Variants in FAM241B observed in about 807,000 individuals in gnomAD.
FAM241B encodes the protein family with sequence similarity 241 member B.
In FAM241B, 7 loss-of-function variants were observed where a neutral mutation model predicts 9.3. The observed-to-expected ratio is 0.75, with a 90% CI of 0.43 to 1.41. The LOEUF (loss-of-function observed/expected upper bound fraction) is 1.41, where lower values mean the gene tolerates loss of function less well. Among genes scored for constraint, FAM241B ranks in the 40% most tolerant of loss-of-function variants. The probability of loss-of-function intolerance (pLI) is 0.01; values close to 1 mark genes in which losing one functional copy is unlikely to be tolerated. For synonymous variants in FAM241B, 60 were observed against 64.1 expected (o/e 0.94, Z 0.31); for missense variants, 136 against 159.6 (o/e 0.85, Z 0.80).
At position 69,631,535 on chromosome 10, in the gene FAM241B, C is replaced by T. The variant is rs899076340; in HGVS notation, c.-48C>T. The T allele has an allele frequency of 7.8e-6, 12 of 1,543,404 alleles. No homozygotes were observed. The African/African-American group carries it at 1.5e-4, about 19-fold the overall frequency. On this transcript the variant is annotated 5_prime_UTR_variant, in exon 2 of 4. Coordinates refer to ENST00000373279, the MANE Select transcript of FAM241B (RefSeq NM_145306.3). Reference sequence around the variant, plus strand: ...TGTGAACATCACTGACTGCAAGCCTCCCTCAATTTCTGGTAAATTTTTTCC... The same window carrying T: ...TGTGAACATCACTGACTGCAAGCCTTCCTCAATTTCTGGTAAATTTTTTCC...
chr10:69,630,728 A>C, intron 1 of FAM241B: 2 of 1,237,292 alleles, frequency 1.6e-6, no homozygotes, highest in South Asian at 1.4e-5. Flanking sequence ...GGAGGCGTGG[A>C]GGGGCCCCGC....
chr10:69,630,752 GC>G (rs1267572409), intron 1 of FAM241B: 1 of 1,047,902 alleles, frequency 9.5e-7, no homozygotes, highest in East Asian at 7.6e-5. Context: ...CCAGGGGTCC[GC>G]GGAGTGGAGC....
At chr10:69,632,768 T>C (rs1221586435) in intron 3 of FAM241B, 22 bp from the exon 4 acceptor site, 1 of 1,606,400 alleles carries the variant, frequency 6.2e-7, no homozygotes, top group Non-Finnish European at 8.5e-7. Context: ...TTCATTCATC[T>C]CTCTCTGTCT....
In FAM241B at chr10:69,632,773, C is replaced by T. The variant is rs1839851884; in HGVS notation, c.97-17C>T. ...AACCCAATGATTCATTCATCTCTCT[C>T]TGTCTTCACATTCCAGAGCTTCTTC... On this transcript the variant is annotated splice_polypyrimidine_tract_variant and intron_variant, in intron 3 of 3. Coordinates refer to ENST00000373279, the MANE Select transcript of FAM241B (RefSeq NM_145306.3). 2.5e-6 allele frequency: 4 copies of T among 1,609,430 alleles called. No homozygotes were observed. The highest frequency in any genetic ancestry group is 3.4e-6 in the Non-Finnish European group (4 of 1,178,140).
chr10:69,632,672 A>G, intron 3 of FAM241B, 118 bp from the exon 4 acceptor site: 1 of 1,171,660 alleles, frequency 8.5e-7, no homozygotes, highest in South Asian at 1.5e-5. Context: ...ATTGCTGAGA[A>G]AGGAGGGTGT....
intron 3 of FAM241B, 70 bp from the exon 4 acceptor site, chr10:69,632,720 A>T: frequency 6.5e-7 from 1 of 1,538,608 alleles, no homozygotes; most frequent in Non-Finnish European, 8.8e-7. Context: ...GATGCAGCCT[A>T]GAGAGGTTGA....
At chr10:69,631,629 C>CAGCTAA in intron 2 of FAM241B, 80 bp from the exon 3 acceptor site, 1 of 1,551,944 alleles carries the variant, frequency 6.4e-7, no homozygotes, top group East Asian at 2.4e-5. Context: ...AGATCACTAA[C>CAGCTAA]AGCTAAAGGT....
intron 3 of FAM241B, 134 bp downstream of exon 3, chr10:69,631,973 T>A (rs1839833092): frequency 3.0e-6 from 1 of 332,802 alleles, no homozygotes; most frequent in African/African-American, 3.4e-5. Flanking sequence ...CTGGGGAAGA[T>A]GCAGTGGCTT....
intron 1 of FAM241B, chr10:69,630,716 G>A: frequency 1.6e-6 from 2 of 1,263,918 alleles, no homozygotes; most frequent in Non-Finnish European, 2.1e-6. Context: ...CCAGACTCAA[G>A]GGGAGGCGTG....
At chr10:69,630,562 C>T (rs982299008) in intron 1 of FAM241B, 1 of 1,137,536 alleles carries the variant, frequency 8.8e-7, no homozygotes, top group South Asian at 1.5e-5. Flanking sequence ...CAGCGGGCTT[C>T]AGGAGGGGGA....
At chr10:69,631,922 G>A in intron 3 of FAM241B, 83 bp downstream of exon 3, 2 of 1,531,144 alleles carry the variant, frequency 1.3e-6, no homozygotes, top group South Asian at 2.4e-5. Context: ...TCTCTTGCTG[G>A]TCACTAACCT....
Position 69,630,405 on chromosome 10 carries a change from C to T in FAM241B, c.-104+92C>T, listed in dbSNP as rs574621041. ...GTCGGGCTCCAGAGGCTGGGGCTGG[C>T]GGCCGGGGCAGCGTCCCTCCCGCCC... On this transcript the variant is annotated intron_variant, in intron 1 of 3. Coordinates refer to ENST00000373279, the MANE Select transcript of FAM241B (RefSeq NM_145306.3). 11 of 155,880 alleles carry T rather than the reference C, an allele frequency of 7.1e-5. No homozygotes were observed. In the South Asian group the frequency reaches 2.1e-3, roughly 30 times the overall value. 9.7% of individuals were successfully genotyped at this position (155,880 alleles called of 1,614,324 possible).
At chr10:69,632,447 G>C (rs1839842538) in intron 3 of FAM241B, among the ~76,000 whole-genome samples, 1 of 124,768 alleles carries the variant, frequency 8.0e-6, no homozygotes, top group Non-Finnish European at 1.6e-5. Context: ...GACAGAGCGA[G>C]ACTCCGTCTC....
rs1426540092 is a variant in FAM241B at position 69,632,827 on chromosome 10, G to A, written c.134G>A (p.Gly45Asp). The change falls in exon 4 of 4, where the codon GGT (glycine) becomes GAT (aspartate). Residue 45 changes from glycine (G) to aspartate (D), a missense_variant. Physicochemically the swap from Gly to Asp is moderately conservative, Grantham distance 94. Coordinates refer to ENST00000373279, the MANE Select transcript of FAM241B (RefSeq NM_145306.3). Reference sequence around the variant, plus strand: ...AGGGGCCATGGTGCTCCCCCAGGGGGTCCTGGCCCCCGCCAGCAGCAGGCA... The same window carrying A: ...AGGGGCCATGGTGCTCCCCCAGGGGATCCTGGCCCCCGCCAGCAGCAGGCA... Reference protein sequence around the residue: ...FNRGHGAPPGGPGPRQQQAGA... With the variant: ...FNRGHGAPPGDPGPRQQQAGA... 18 of 1,613,870 alleles carry A rather than the reference G, an allele frequency of 1.1e-5. No homozygotes were observed. The highest frequency in any genetic ancestry group is 1.3e-5 in the African/African-American group (1 of 74,944).
In FAM241B at chr10:69,633,181, G is replaced by C; in HGVS notation, c.*122G>C. The C allele has an allele frequency of 2.9e-6, 4 of 1,367,474 alleles. No homozygotes were observed. Among genetic ancestry groups the C allele is most frequent in the Middle Eastern group, 2.2e-4 (1 of 4,498 alleles). 84.7% of individuals were successfully genotyped at this position (1,367,474 alleles called of 1,614,324 possible). A position where few individuals can be genotyped will look rare whatever the true frequency, so the allele number is the denominator to read the frequency against. Reference sequence around the variant, plus strand: ...AGGTATGATCAGAGAGGGGACCACAGGTGTGTGTTTCCCCTTTGTGTTAAG... The same window carrying C: ...AGGTATGATCAGAGAGGGGACCACACGTGTGTGTTTCCCCTTTGTGTTAAG... On this transcript the variant is annotated 3_prime_UTR_variant, in exon 4 of 4. Coordinates refer to ENST00000373279, the MANE Select transcript of FAM241B (RefSeq NM_145306.3).
In FAM241B at chr10:69,631,734, G is replaced by T. The variant is rs767345158; in HGVS notation, c.-10G>T. On this transcript the variant is annotated 5_prime_UTR_variant, in exon 3 of 4. Transcript: ENST00000373279. ...GTGCAGCCCATCAGGGACCCACAGC[G>T]CCTGGGAGGATGGTGCGGATCTTGG... 6.2e-7 allele frequency: 1 copy of T among 1,611,746 alleles called. No individual in the cohort carries two copies. The highest frequency in any genetic ancestry group is 1.1e-5 in the South Asian group (1 of 90,040).
rs767345158 is a variant in FAM241B, at chr10:69,631,734, G to A, written c.-10G>A. 2.2e-5 allele frequency: 36 copies of A among 1,611,628 alleles called. No homozygotes were observed. The highest frequency in any genetic ancestry group is 2.5e-5 in the Non-Finnish European group (30 of 1,179,312). On this transcript the variant is annotated 5_prime_UTR_variant, in exon 3 of 4. Transcript: ENST00000373279. ...GTGCAGCCCATCAGGGACCCACAGC[G>A]CCTGGGAGGATGGTGCGGATCTTGG...
chr10:69,631,935 T>C (rs1428194068), intron 3 of FAM241B, 96 bp downstream of exon 3: 10 of 1,504,742 alleles, frequency 6.6e-6, no homozygotes, highest in South Asian at 1.2e-5. Context: ...ACTAACCTTT[T>C]CTAGCCTGAA....
intron 3 of FAM241B, among the ~76,000 whole-genome samples, chr10:69,632,474 A>AG (rs1375486899): frequency 2.6e-5 from 4 of 151,686 alleles, no homozygotes; most frequent in African/African-American, 9.7e-5. Context: ...AAAAAAAAAA[A>AG]AAAAAAGAAA....
Sources: allele counts gnomAD v4.1 joint callset (sites outside exome capture counted in the v4.1 genomes callset), GRCh38; gene constraint gnomAD v4.1.1; transcripts MANE v1.5; gene names NCBI Gene and HGNC (gene_info 2026-07-23, HGNC 2026-07-21).